Variants in ZFP90 observed in about 807,000 individuals in gnomAD.
The protein encoded by ZFP90 is ZFP90 zinc finger protein.
Under a neutral mutation model 60.8 loss-of-function variants are expected in ZFP90, and 38 were observed. The observed-to-expected ratio is 0.62, with a 90% CI of 0.48 to 0.82. ZFP90 has a LOEUF of 0.82. ZFP90 is among the 40% of genes least tolerant of loss of function. ZFP90 has a pLI of 0.00. For synonymous variants in ZFP90, 287 were observed against 264.8 expected, an observed-to-expected ratio of 1.08 and a Z score of -0.82; for missense variants, 711 against 759.1, an observed-to-expected ratio of 0.94 and a Z score of 0.74.
At chr16:68,561,778 A>C (rs1228804292) in intron 4 of ZFP90, among the ~76,000 whole-genome samples, 1 of 152,224 alleles carries the variant, frequency 6.6e-6, no homozygotes, top group Non-Finnish European at 1.5e-5. Flanking sequence ...AATTCTTAAA[A>C]AAATTACAAG....
At position 68,575,847 on chromosome 16, in the gene ZFP90, CAG is replaced by C. The variant is rs2091591764; in HGVS notation, c.282_283del (p.Lys95ThrfsTer7). 4 of 398,376 alleles carry C rather than the reference CAG, an allele frequency of 1.0e-5. No individual in the cohort carries two copies. The highest frequency in any genetic ancestry group is 6.2e-5 in the African/African-American group (3 of 48,662). 24.7% of individuals were successfully genotyped at this position (398,376 alleles called of 1,614,324 possible). A position where few individuals can be genotyped will look rare whatever the true frequency, so the allele number is the denominator to read the frequency against. ...ATCTGGGAGTAAGGGCGAAAGAAGA[CAG>C]AAACTTCCAAGAAAGAATCCTGAGT... On this transcript the variant is annotated frameshift_variant, in exon 3 of 3. Coordinates refer to the ZFP90 transcript ENST00000573113. LOFTEE classifies it high-confidence loss of function.
intron 2 of ZFP90, among the ~76,000 whole-genome samples, chr16:68,550,036 C>T (rs111636376): frequency 6.6e-6 from 1 of 152,018 alleles, no homozygotes; most frequent in Non-Finnish European, 1.5e-5. Context: ...CAATGTAGAA[C>T]GGTGGTGTGC....
intron 2 of ZFP90, among the ~76,000 whole-genome samples, chr16:68,575,267 C>T (rs930093430): frequency 6.6e-5 from 10 of 152,204 alleles, no homozygotes; most frequent in East Asian, 5.8e-4. Context: ...CTGGGACAGG[C>T]GTGCCTCAGC....
chr16:68,568,361 ATG>A (rs1316544028), downstream of ZFP90, among the ~76,000 whole-genome samples: 1 of 152,232 alleles, frequency 6.6e-6, no homozygotes. Flanking sequence ...AAATAAAACA[ATG>A]TAATACTGTT....
chr16:68,561,655 A>C (rs550817247), intron 4 of ZFP90, among the ~76,000 whole-genome samples: 4 of 152,302 alleles, frequency 2.6e-5, no homozygotes, highest in Admixed American at 6.5e-5. Flanking sequence ...GTGGCAGAGC[A>C]TATAGAAAGC....
At chr16:68,555,459 A>G (rs1290562137) in intron 2 of ZFP90, among the ~76,000 whole-genome samples, 1 of 152,152 alleles carries the variant, frequency 6.6e-6, no homozygotes, top group African/African-American at 2.4e-5. Flanking sequence ...CACCTCACTC[A>G]GTAGAAGGGG....
intron 2 of ZFP90, among the ~76,000 whole-genome samples, chr16:68,551,993 C>T (rs1264171677): frequency 6.6e-6 from 1 of 151,886 alleles, no homozygotes; most frequent in East Asian, 1.9e-4. Flanking sequence ...ATCTCCTGAT[C>T]TCGTGATCCA....
At chr16:68,560,008 ACAGGTGTGAGC>A (rs1274133067) in intron 4 of ZFP90, among the ~76,000 whole-genome samples, 2 of 152,230 alleles carry the variant, frequency 1.3e-5, no homozygotes, top group Non-Finnish European at 2.9e-5. Context: ...TGTTGGGATT[ACAGGTGTGAGC>A]CACTGCTGAG....
chr16:68,549,512 C>T (rs1167350682), intron 2 of ZFP90, among the ~76,000 whole-genome samples: 1 of 151,758 alleles, frequency 6.6e-6, no homozygotes, highest in African/African-American at 2.4e-5. Context: ...CCCGTCTCTA[C>T]TAAAAATACA....
At position 68,548,473 on chromosome 16, in the gene ZFP90, CCTT is replaced by C. The variant is rs1381902859; in HGVS notation, c.33+8649_33+8651del. On this transcript the variant is annotated intron_variant, in intron 2 of 4. Transcript: ENST00000563169. ...TATATTTCACTGTTCTGTTTATCCT[CCTT>C]TTTTTTTTTTTTTTTTTTTTTTTTT... Among the ~76,000 whole-genome samples the C allele has an allele frequency of 6.0e-5, 5 of 83,744 alleles. No individual in the cohort carries two copies. The East Asian group carries it at 1.9e-3, about 31-fold the overall frequency. The allele number at this position is 83,744 out of a possible 152,430, so 54.9% of individuals were successfully genotyped here. A position where few individuals can be genotyped will look rare whatever the true frequency, so the allele number is the denominator to read the frequency against.
Position 68,539,781 on chromosome 16 carries a change from G to T in ZFP90, c.-12G>T. The T allele has an allele frequency of 6.3e-7, 1 of 1,593,846 alleles. No individual in the cohort carries two copies. On this transcript the variant is annotated 5_prime_UTR_variant, in exon 2 of 5. Transcript: ENST00000563169. ...AGCTCCTGCCCCGGAGCCGGGCCCTGGCGAGGCAGGAATGGCCCCGAGGCC... is the reference window on the plus strand; with the variant it reads ...AGCTCCTGCCCCGGAGCCGGGCCCTTGCGAGGCAGGAATGGCCCCGAGGCC...
intron 2 of ZFP90, among the ~76,000 whole-genome samples, chr16:68,545,143 T>G (rs2091125242): frequency 6.6e-6 from 1 of 151,888 alleles, no homozygotes. Context: ...CCGCCCAAAG[T>G]GCTGGGATTA....
At chr16:68,556,437 A>G (rs1048517119) in intron 2 of ZFP90, among the ~76,000 whole-genome samples, 13 of 152,218 alleles carry the variant, frequency 8.5e-5, no homozygotes, top group African/African-American at 2.9e-4. Flanking sequence ...AAATCCTAGC[A>G]TGTTTGCCCA....
chr16:68,543,655 G>A lies in ZFP90; in HGVS notation c.33+3830G>A, dbSNP rs538374382. ...GGCTCACCGCAACCTCTGCCTCCCTGATTCAAGCTATTTTCCTGCCTCAGT... is the reference window on the plus strand; with the variant it reads ...GGCTCACCGCAACCTCTGCCTCCCTAATTCAAGCTATTTTCCTGCCTCAGT... On this transcript the variant is annotated intron_variant, in intron 2 of 4. Coordinates refer to ENST00000563169, the MANE Select transcript of ZFP90 (RefSeq NM_001305203.2). Among the ~76,000 whole-genome samples, 14 of 151,556 alleles carry A rather than the reference G, an allele frequency of 9.2e-5. No homozygotes were observed. In the South Asian group the frequency reaches 2.9e-3, roughly 32 times the overall value.
chr16:68,555,912 C>G (rs2091336222), intron 2 of ZFP90, among the ~76,000 whole-genome samples: 1 of 152,164 alleles, frequency 6.6e-6, no homozygotes, highest in African/African-American at 2.4e-5. Flanking sequence ...TCTGTGAAAC[C>G]TTCCCTCACT....
downstream of ZFP90, among the ~76,000 whole-genome samples, chr16:68,568,840 G>C (rs760758076): frequency 3.9e-5 from 6 of 152,054 alleles, no homozygotes; most frequent in Non-Finnish European, 2.9e-5. Flanking sequence ...CACCACACCC[G>C]ACTAATTTTT....
chr16:68,539,977 T>G, intron 2 of ZFP90, 152 bp downstream of exon 2: 1 of 1,195,610 alleles, frequency 8.4e-7, no homozygotes, highest in South Asian at 1.6e-5. Flanking sequence ...ACCCCAGGCT[T>G]TGGGGAGCTG....
chr16:68,537,081 C>T (rs1424776732), upstream of ZFP90, among the ~76,000 whole-genome samples: 3 of 151,952 alleles, frequency 2.0e-5, no homozygotes, highest in African/African-American at 7.3e-5. Flanking sequence ...TTTCTTCAGC[C>T]TGGAATTCTT....
At chr16:68,552,847 T>G (rs1436937130) in intron 2 of ZFP90, among the ~76,000 whole-genome samples, 1 of 152,040 alleles carries the variant, frequency 6.6e-6, no homozygotes, top group African/African-American at 2.4e-5. Context: ...CTTGAGCCCA[T>G]AAGTTCATAG....
Sources: gnomAD v4.1 joint callset for allele counts (sites outside exome capture counted in the v4.1 genomes callset) on GRCh38, gnomAD v4.1.1 for gene constraint, MANE v1.5 for transcripts, NCBI Gene and HGNC (gene_info 2026-07-23, HGNC 2026-07-21) for gene names.